VAMP4: variants seen among roughly 807,000 people sequenced by gnomAD.
VAMP4 encodes vesicle associated membrane protein 4.
Under a neutral mutation model 23.5 loss-of-function variants are expected in VAMP4, and 19 were observed. The observed-to-expected ratio is 0.81, with a 90% confidence interval of 0.56 to 1.19. The LOEUF (loss-of-function observed/expected upper bound fraction) is 1.19, where lower values mean the gene tolerates loss of function less well. Ranked by LOEUF, VAMP4 falls within the 50% of genes most tolerant of loss-of-function variation. The pLI, the probability that VAMP4 is intolerant of heterozygous loss-of-function variation, is 0.00. For synonymous variants in VAMP4, 31 were observed against 51.0 expected, an observed-to-expected ratio of 0.61 and a Z score of 1.67; for missense variants, 145 against 168.6, an observed-to-expected ratio of 0.86 and a Z score of 0.78.
rs372868642 is a variant in VAMP4, at chr1:171,723,538, T to C, written c.114-4317A>G. Among the ~76,000 whole-genome samples the C allele has an allele frequency of 3.9e-5, 6 of 152,322 alleles. No homozygotes were observed. In the East Asian group the frequency reaches 5.8e-4, roughly 15 times the overall value. Reference sequence around the variant, plus strand: ...CTATTTGCTTTTGTAAGAAGAGAAATATGGCTCTGTTCTGCCCAGCTTTCA... The same window carrying C: ...CTATTTGCTTTTGTAAGAAGAGAAACATGGCTCTGTTCTGCCCAGCTTTCA... On this transcript the variant is annotated intron_variant, in intron 3 of 7. Coordinates refer to ENST00000236192, the MANE Select transcript of VAMP4 (RefSeq NM_003762.5).
In VAMP4 at chr1:171,728,589, G is replaced by A; in HGVS notation, c.67-19C>T. On this transcript the variant is annotated intron_variant, in intron 2 of 7. Coordinates refer to ENST00000236192, the MANE Select transcript of VAMP4 (RefSeq NM_003762.5). Reference sequence around the variant, plus strand: ...GATTTCTCTGTCAAAAAAAGAAAAAGACTTGAGTTTTCAGATTCAGAGGGC... The same window carrying A: ...GATTTCTCTGTCAAAAAAAGAAAAAAACTTGAGTTTTCAGATTCAGAGGGC... 2 of 1,558,032 alleles carry A rather than the reference G, an allele frequency of 1.3e-6. No homozygotes were observed. The highest frequency in any genetic ancestry group is 8.7e-7 in the Non-Finnish European group (1 of 1,153,882).
intron 2 of VAMP4, among the ~76,000 whole-genome samples, chr1:171,737,084 T>G (rs1042107691): frequency 6.6e-6 from 1 of 152,234 alleles, no homozygotes; most frequent in Non-Finnish European, 1.5e-5. Context: ...AAGAAACTTA[T>G]GACTAAAAGT....
At chr1:171,709,282 A>G (rs1654768283) in intron 6 of VAMP4, among the ~76,000 whole-genome samples, 1 of 152,058 alleles carries the variant, frequency 6.6e-6, no homozygotes, top group Non-Finnish European at 1.5e-5. Flanking sequence ...CGAAAGTCAT[A>G]TTTTTCTCTA....
chr1:171,707,714 G>A (rs1446149445), intron 6 of VAMP4, among the ~76,000 whole-genome samples: 1 of 152,082 alleles, frequency 6.6e-6, no homozygotes, highest in Non-Finnish European at 1.5e-5. Flanking sequence ...TTCATTACAT[G>A]GTCGATGCTA....
intron 4 of VAMP4, among the ~76,000 whole-genome samples, chr1:171,717,801 T>C (rs1655066819): frequency 6.6e-6 from 1 of 152,186 alleles, no homozygotes; most frequent in Admixed American, 6.6e-5. Flanking sequence ...CTACTAACTT[T>C]GGCTACTCTT....
chr1:171,732,360 G>GAA (rs532876540), intron 2 of VAMP4, among the ~76,000 whole-genome samples: 11 of 123,544 alleles, frequency 8.9e-5, no homozygotes, highest in African/African-American at 1.5e-4. Flanking sequence ...GTCTCTATGG[G>GAA]AAAAAAAAAA....
In VAMP4 at chr1:171,703,417, GTTTGTGTGTATA is replaced by G. The variant is rs1558103579; in HGVS notation, c.*1077_*1088del. 3.0e-5 allele frequency: 3 copies of G among 98,696 alleles called. No individual in the cohort carries two copies. Among genetic ancestry groups the G allele is most frequent in the Non-Finnish European group, 4.0e-5 (2 of 49,606 alleles). The allele number at this position is 98,696 out of a possible 1,614,324, so 6.1% of individuals were successfully genotyped here. A position where few individuals can be genotyped will look rare whatever the true frequency, so the allele number is the denominator to read the frequency against. ...CGTGTGTGTGTGTGTGTGTGTGTGT[GTTTGTGTGTATA>G]TATATATATATATATATATATATAT... is the stretch of plus-strand genomic sequence containing the variant. On this transcript the variant is annotated 3_prime_UTR_variant, in exon 8 of 8. Transcript: ENST00000236192.
rs955936667 is a variant in VAMP4 at position 171,719,213 on chromosome 1, G to A, written c.122C>T (p.Pro41Leu). Residue 41 changes from proline to leucine, a missense_variant, in exon 4 of 8, where the codon CCA becomes CTA. Transcript: ENST00000236192. ...TCTAGGTCCAAATCTTGGTCCAGAT[G>A]GTCCCCTTCTGAAAACAAGTACATA... ...DEEEDFFLRG[P>L]SGPRFGPRND... The A allele has an allele frequency of 2.5e-6, 4 of 1,610,912 alleles. No individual in the cohort carries two copies. Among genetic ancestry groups the A allele is most frequent in the Non-Finnish European group, 3.4e-6 (4 of 1,178,444 alleles).
rs780650252 is a variant in VAMP4, at chr1:171,709,710, G to A, written c.300C>T (p.Asn100=). 4.3e-6 allele frequency: 7 copies of A among 1,613,170 alleles called. No individual in the cohort carries two copies. Among genetic ancestry groups the A allele is most frequent in the Non-Finnish European group, 5.9e-6 (7 of 1,179,396 alleles). Residue 100 remains asparagine, a synonymous_variant, in exon 6 of 8, where the codon AAC becomes AAT. Coordinates refer to ENST00000236192, the MANE Select transcript of VAMP4 (RefSeq NM_003762.5). ...TTTGCCTTCGAAGTTGTTTGGATCTGTTGCTAAAAGCTGTTGCATTATCCG... is the reference window on the plus strand; with the variant it reads ...TTTGCCTTCGAAGTTGTTTGGATCTATTGCTAAAAGCTGTTGCATTATCCG... ...SLSDNATAFS[N]RSKQLRRQMW... is the part of the protein sequence containing the mutation.
intron 3 of VAMP4, among the ~76,000 whole-genome samples, chr1:171,719,707 C>T (rs1655127467): frequency 6.6e-6 from 1 of 152,006 alleles, no homozygotes. Context: ...AAGACACTAA[C>T]AATTTTAAGT....
chr1:171,727,240 CAA>C (rs35549560), intron 3 of VAMP4, among the ~76,000 whole-genome samples: 11 of 85,088 alleles, frequency 1.3e-4, no homozygotes, highest in Non-Finnish European at 1.9e-4. Context: ...TACCTTGTCT[CAA>C]AAAAAAAAAA....
At chr1:171,706,463 A>C (rs746863039) in intron 6 of VAMP4, 45 bp from the exon 7 acceptor site, 2 of 1,561,364 alleles carry the variant, frequency 1.3e-6, no homozygotes, top group African/African-American at 2.7e-5. Context: ...TGACTTGTTA[A>C]TAAAGTCAAG....
chr1:171,705,653 G>A (rs544134784), intron 7 of VAMP4, among the ~76,000 whole-genome samples: 1 of 151,978 alleles, frequency 6.6e-6, no homozygotes, highest in Non-Finnish European at 1.5e-5. Flanking sequence ...GAATAATGAG[G>A]ACTGACTGTA....
chr1:171,704,416 A>AAGTT lies in VAMP4; in HGVS notation c.*86_*89dup. ...TAGTTTCTTGAAAAAGAAGTTTTGA[A>AAGTT]AGTTATATACACATAGGTTTCATTT... On this transcript the variant is annotated 3_prime_UTR_variant, in exon 8 of 8. Transcript: ENST00000236192. 8.9e-7 allele frequency: 1 copy of AAGTT among 1,126,644 alleles called. No individual in the cohort carries two copies. The allele number at this position is 1,126,644 out of a possible 1,614,324, so 69.8% of individuals were successfully genotyped here.
chr1:171,707,799 C>A (rs556094299), intron 6 of VAMP4, among the ~76,000 whole-genome samples: 21 of 151,960 alleles, frequency 1.4e-4, no homozygotes, highest in Non-Finnish European at 2.8e-4. Context: ...CTTAAAAGCA[C>A]GCTATTCCTC....
chr1:171,719,649 A>G (rs1655125600), intron 3 of VAMP4, among the ~76,000 whole-genome samples: 1 of 152,036 alleles, frequency 6.6e-6, no homozygotes, highest in African/African-American at 2.4e-5. Context: ...AGGAAACTAC[A>G]AAGTGAACTG....
rs1306735934 is a variant in VAMP4 at position 171,701,870 on chromosome 1, T to C, written c.*2636A>G. 1 of 152,118 alleles carries C rather than the reference T, an allele frequency of 6.6e-6. No individual in the cohort carries two copies. The highest frequency in any genetic ancestry group is 1.5e-5 in the Non-Finnish European group (1 of 67,962). 9.4% of individuals were successfully genotyped at this position (152,118 alleles called of 1,614,324 possible). A position where few individuals can be genotyped will look rare whatever the true frequency, so the allele number is the denominator to read the frequency against. On this transcript the variant is annotated 3_prime_UTR_variant, in exon 8 of 8. Transcript: ENST00000236192. ...AGGAGTAACCAATTAATCAGTATTA[T>C]AACAACAAAATTGCTGCAAGGCAAT...
At chr1:171,737,625 T>C (rs1347644354) in intron 2 of VAMP4, among the ~76,000 whole-genome samples, 3 of 152,218 alleles carry the variant, frequency 2.0e-5, no homozygotes, top group African/African-American at 7.2e-5. Context: ...ACACACTTTA[T>C]TTACATAGTT....
rs554144169 is a variant in VAMP4, at chr1:171,730,711, T to C, written c.67-2141A>G. On this transcript the variant is annotated intron_variant, in intron 2 of 7. Transcript: ENST00000236192. ...GAAGGAGGGGGAAGGGAGTAAAGTA[T>C]CTAAACTGTGGTTTAGATATGGTGG... is the stretch of plus-strand genomic sequence containing the variant. Among the ~76,000 whole-genome samples the C allele has an allele frequency of 6.0e-5, 8 of 134,050 alleles. No individual in the cohort carries two copies. The East Asian group carries it at 2.0e-3, about 34-fold the overall frequency. 87.9% of individuals were successfully genotyped at this position (134,050 alleles called of 152,430 possible).
Sources: gnomAD v4.1 joint callset for allele counts (sites outside exome capture counted in the v4.1 genomes callset) on GRCh38, gnomAD v4.1.1 for gene constraint, MANE v1.5 for transcripts, NCBI Gene and HGNC (gene_info 2026-07-23, HGNC 2026-07-21) for gene names.